MCTP1: variants seen among roughly 807,000 people sequenced by gnomAD.
MCTP1 encodes multiple C2 and transmembrane domain-containing protein 1.
Under a neutral mutation model 120.6 loss-of-function variants are expected in MCTP1, and 69 were observed. The ratio of observed to expected loss-of-function variants is 0.57; its 90% CI spans 0.47 to 0.70. The LOEUF (loss-of-function observed/expected upper bound fraction) is 0.70, where lower values mean the gene tolerates loss of function less well. MCTP1 is among the 30% of genes least tolerant of loss of function. The pLI is 0.00. For missense variants in MCTP1, 1,203 were observed against 1,248.8 expected, an observed-to-expected ratio of 0.96 and a Z score of 0.55; for synonymous variants, 529 against 493.1, an observed-to-expected ratio of 1.07 and a Z score of -0.96.
intron 18 of MCTP1, among the ~76,000 whole-genome samples, chr5:94,791,500 T>TACACACACACACACAC (rs1215532713): frequency 5.2e-4 from 77 of 149,178 alleles, no homozygotes; most frequent in Middle Eastern, 3.4e-3. Context: ...GTTTCTAAAA[T>TACACACACACACACAC]ACACACACAC....
chr5:95,121,729 G>GT (rs1458203034), intron 1 of MCTP1, among the ~76,000 whole-genome samples: 1 of 151,822 alleles, frequency 6.6e-6, no homozygotes, highest in African/African-American at 2.4e-5. Flanking sequence ...TGGAAGAATC[G>GT]TATTACCTGA....
rs199887247 is a variant in MCTP1 at position 94,736,482 on chromosome 5, CA to C, written c.2611-21597del. Among the ~76,000 whole-genome samples the C allele has an allele frequency of 2.6e-5, 4 of 151,812 alleles. No homozygotes were observed. The South Asian group carries it at 6.3e-4, about 24-fold the overall frequency. ...TGGGTGACAGAGCAAGACCCTGTCT[CA>C]AAAAAAAATTTTTTTGGGGGGGATC... On this transcript the variant is annotated intron_variant, in intron 19 of 22. Coordinates refer to ENST00000515393, the MANE Select transcript of MCTP1 (RefSeq NM_024717.7).
At chr5:94,992,048 T>C (rs565654585) in intron 2 of MCTP1, among the ~76,000 whole-genome samples, 14 of 152,192 alleles carry the variant, frequency 9.2e-5, no homozygotes, top group African/African-American at 3.4e-4. Context: ...AGGCATACAA[T>C]GAGTAGGCTG....
At chr5:94,961,453 G>T (rs1320422378) in intron 2 of MCTP1, among the ~76,000 whole-genome samples, 1 of 152,074 alleles carries the variant, frequency 6.6e-6, no homozygotes, top group Non-Finnish European at 1.5e-5. Flanking sequence ...TGTCCAGTAA[G>T]TTGTTCATGG....
At chr5:95,034,873 A>G (rs1840964266) in intron 1 of MCTP1, among the ~76,000 whole-genome samples, 1 of 152,084 alleles carries the variant, frequency 6.6e-6, no homozygotes, top group South Asian at 2.1e-4. Flanking sequence ...AAAATCAACA[A>G]GAAAAATATA....
At chr5:94,814,455 C>A (rs1784081129) in intron 17 of MCTP1, among the ~76,000 whole-genome samples, 1 of 152,152 alleles carries the variant, frequency 6.6e-6, no homozygotes, top group Non-Finnish European at 1.5e-5. Context: ...TTCACTAAAG[C>A]CACTATAAAA....
chr5:94,943,124 TG>T (rs1818126017), intron 3 of MCTP1, among the ~76,000 whole-genome samples: 1 of 152,088 alleles, frequency 6.6e-6, no homozygotes, highest in Non-Finnish European at 1.5e-5. Flanking sequence ...ATGGAGGGTC[TG>T]GGATGGCCTA....
chr5:95,225,234 C>T (rs1754127092), intron 1 of MCTP1, among the ~76,000 whole-genome samples: 1 of 152,198 alleles, frequency 6.6e-6, no homozygotes, highest in Admixed American at 6.5e-5. Context: ...TGACAGCCCA[C>T]TTACTGGCTA....
At chr5:95,221,063 T>C (rs970155781) in intron 1 of MCTP1, among the ~76,000 whole-genome samples, 3 of 152,116 alleles carry the variant, frequency 2.0e-5, no homozygotes, top group African/African-American at 7.2e-5. Flanking sequence ...TTTTAAAGAG[T>C]GTCCGAAATA....
At chr5:95,196,743 C>A (rs1750442684) in intron 1 of MCTP1, among the ~76,000 whole-genome samples, 1 of 152,138 alleles carries the variant, frequency 6.6e-6, no homozygotes, top group Middle Eastern at 3.2e-3. Context: ...GGAGAGTGTC[C>A]ATCCTGAAGG....
intron 4 of MCTP1, among the ~76,000 whole-genome samples, chr5:94,941,930 A>T (rs751261264): frequency 1.4e-4 from 22 of 152,156 alleles, no homozygotes; most frequent in Admixed American, 2.0e-4. Flanking sequence ...GTGACAAGAG[A>T]GTTGCTGTTT....
chr5:95,058,413 A>G (rs74552782), intron 1 of MCTP1, among the ~76,000 whole-genome samples: 6,578 of 152,288 alleles, frequency 0.043, 194 homozygotes, highest in African/African-American at 0.075. Flanking sequence ...ATGCAGGAAA[A>G]AGAGTGAAGA....
At chr5:94,824,897 T>G (rs1786599687) in intron 17 of MCTP1, among the ~76,000 whole-genome samples, 1 of 152,184 alleles carries the variant, frequency 6.6e-6, no homozygotes, top group Non-Finnish European at 1.5e-5. Flanking sequence ...CCTTTATCAT[T>G]TTTTATTGTG....
chr5:95,274,575 A>G (rs111552176), intron 1 of MCTP1, among the ~76,000 whole-genome samples: 1,692 of 151,914 alleles, frequency 0.011, 19 homozygotes, highest in African/African-American at 0.038. Flanking sequence ...ATTTATAAAA[A>G]CCTTCCCATG....
chr5:95,007,723 C>T (rs1835049397), intron 2 of MCTP1, among the ~76,000 whole-genome samples: 1 of 152,184 alleles, frequency 6.6e-6, no homozygotes, highest in South Asian at 2.1e-4. Flanking sequence ...GACTTCAGTA[C>T]ACTGTGAAAA....
chr5:94,840,771 T>C (rs1413049413), intron 17 of MCTP1, among the ~76,000 whole-genome samples: 1 of 152,198 alleles, frequency 6.6e-6, no homozygotes, highest in Non-Finnish European at 1.5e-5. Flanking sequence ...CATATAATAT[T>C]TGCAATATAG....
At chr5:95,221,127 T>C (rs1356215588) in intron 1 of MCTP1, among the ~76,000 whole-genome samples, 2 of 152,274 alleles carry the variant, frequency 1.3e-5, no homozygotes, top group African/African-American at 2.4e-5. Flanking sequence ...CCAGCCAGAA[T>C]TGTTTTCATT....
At chr5:94,862,813 C>T (rs367929926) in intron 17 of MCTP1, among the ~76,000 whole-genome samples, 16 of 151,622 alleles carry the variant, frequency 1.1e-4, no homozygotes, top group East Asian at 3.9e-4. Context: ...ATAAATTGGG[C>T]GAAAATGTAT....
At chr5:95,062,832 T>C (rs981021320) in intron 1 of MCTP1, among the ~76,000 whole-genome samples, 1 of 152,148 alleles carries the variant, frequency 6.6e-6, no homozygotes, top group African/African-American at 2.4e-5. Context: ...GTTTTGTTTT[T>C]TTTGAAATAG....
Sources: gnomAD v4.1 joint callset for allele counts (sites outside exome capture counted in the v4.1 genomes callset) on GRCh38, gnomAD v4.1.1 for gene constraint, MANE v1.5 for transcripts, NCBI Gene and HGNC (gene_info 2026-07-23, HGNC 2026-07-21) for gene names.